The following MICAL2 variants were observed in gnomAD, a reference collection of about 807,000 sequenced individuals.
MICAL2 encodes microtubule associated monooxygenase, calponin and LIM domain containing 2, also known as [F-actin]-monooxygenase MICAL2.
MICAL2 carries 77 observed loss-of-function variants against 127.3 expected under a neutral mutation model. The observed-to-expected ratio is 0.60, with a 90% CI of 0.50 to 0.73. MICAL2 has a LOEUF of 0.73. Among genes scored for constraint, MICAL2 ranks in the 30% least tolerant of loss-of-function variants. The pLI is 0.00. For missense variants in MICAL2, 1,351 were observed against 1,434.4 expected (o/e 0.94, Z 0.94); for synonymous variants, 570 against 551.1 (o/e 1.03, Z -0.48).
chr11:12,262,116 C>T, intron 26 of MICAL2: 1 of 1,141,942 alleles, frequency 8.8e-7, no homozygotes. Context: ...AGATGTTGAA[C>T]CTTTCTGGTG....
rs569371786 is a variant in MICAL2 at position 12,325,399 on chromosome 11, C to T, written c.5421+1329C>T. Among the ~76,000 whole-genome samples the T allele has an allele frequency of 3.9e-5, 6 of 152,294 alleles. No individual in the cohort carries two copies. In the South Asian group the frequency reaches 1.2e-3, roughly 32 times the overall value. ...TGCTGAGATTACTGGTGTGAGCCAC[C>T]GTGCCCAGCCTCATCCTTAGTGTCT... is the stretch of plus-strand genomic sequence containing the variant. On this transcript the variant is annotated intron_variant, in intron 31 of 34. Transcript: ENST00000646065.
intron 29 of MICAL2, among the ~76,000 whole-genome samples, chr11:12,310,769 T>C (rs1051659863): frequency 6.6e-6 from 1 of 152,182 alleles, no homozygotes. Flanking sequence ...TTGGGTAGTA[T>C]AGACATTTTA....
chr11:12,292,406 G>C (rs891570580), downstream of MICAL2: 1 of 1,233,172 alleles, frequency 8.1e-7, no homozygotes, highest in African/African-American at 1.5e-5. Flanking sequence ...GTCAACCTAA[G>C]TGCAAAGCCA....
Position 12,242,452 on chromosome 11 carries a change from CCCGTCTCTGT to C in MICAL2, c.2556+25_2556+34del. On this transcript the variant is annotated intron_variant, in intron 19 of 27. Transcript: ENST00000683283. Reference sequence around the variant, plus strand: ...CTCCAGGTGAGAGACTCACTTTTTGCCCGTCTCTGTCCGTGTCTGGGTGACTTCCTTTCTT... The same window carrying C: ...CTCCAGGTGAGAGACTCACTTTTTGCCCGTGTCTGGGTGACTTCCTTTCTT... 6.3e-7 allele frequency: 1 copy of C among 1,585,140 alleles called. No homozygotes were observed. The highest frequency in any genetic ancestry group is 8.6e-7 in the Non-Finnish European group (1 of 1,163,452).
intron 29 of MICAL2, among the ~76,000 whole-genome samples, chr11:12,304,226 A>G (rs1482023234): frequency 6.6e-6 from 1 of 152,122 alleles, no homozygotes; most frequent in Non-Finnish European, 1.5e-5. Context: ...TTCCTTTCAC[A>G]GTCATATCTA....
chr11:12,341,358 G>A (rs1183382325), intron 32 of MICAL2, among the ~76,000 whole-genome samples: 5 of 151,900 alleles, frequency 3.3e-5, no homozygotes, highest in African/African-American at 1.2e-4. Flanking sequence ...GAGATAGATA[G>A]TTATGAACCA....
At chr11:12,211,414 AGGTT>A (rs992737724) in intron 6 of MICAL2, among the ~76,000 whole-genome samples, 3 of 152,196 alleles carry the variant, frequency 2.0e-5, no homozygotes, top group Non-Finnish European at 4.4e-5. Flanking sequence ...AAAAACCCCA[AGGTT>A]GTCACTAAAA....
chr11:12,111,282 GTGGTCCGAGGGGCCGCGGCAC>G (rs991698225), intron 1 of MICAL2, among the ~76,000 whole-genome samples: 1 of 152,230 alleles, frequency 6.6e-6, no homozygotes, highest in Non-Finnish European at 1.5e-5. Context: ...GGTCGTGGCA[GTGGTCCGAGGGGCCGCGGCAC>G]TGTCCGCTCT....
At chr11:12,306,272 T>C (rs1161778393) in intron 29 of MICAL2, among the ~76,000 whole-genome samples, 1 of 141,338 alleles carries the variant, frequency 7.1e-6, no homozygotes, top group Non-Finnish European at 1.5e-5. Flanking sequence ...AAATGTAACC[T>C]TTTCTTTCAA....
chr11:12,342,817 G>A (rs1356122665), intron 32 of MICAL2, among the ~76,000 whole-genome samples: 11 of 152,214 alleles, frequency 7.2e-5, no homozygotes, highest in East Asian at 3.9e-4. Flanking sequence ...GCAGAGCAAG[G>A]TCTGATTGAC....
chr11:12,260,721 A>G, intron 26 of MICAL2: 1 of 985,530 alleles, frequency 1.0e-6, no homozygotes, highest in Non-Finnish European at 1.2e-6. Context: ...AGAAGGGCAG[A>G]ATAGAATTCA....
In MICAL2 at chr11:12,244,599, T is replaced by G. The variant is rs561709472; in HGVS notation, c.2784+487T>G. Among the ~76,000 whole-genome samples, 393 of 152,206 alleles carry G rather than the reference T, an allele frequency of 2.6e-3. 1 individual carries two copies. Among genetic ancestry groups the G allele is most frequent in the African/African-American group, 9.3e-3 (384 of 41,512 alleles). On this transcript the variant is annotated intron_variant, in intron 21 of 27. Coordinates refer to ENST00000683283, the MANE Select transcript of MICAL2 (RefSeq NM_001282663.2). ...ATAAGAGGTTTAAAGGGCAAGATTG[T>G]AGGAATGGAGAGGGGAGAAGATGGG...
intron 1 of MICAL2, chr11:12,276,438 T>G: frequency 7.3e-6 from 2 of 273,288 alleles, no homozygotes; most frequent in East Asian, 6.3e-5. Context: ...AGAAAGGGCC[T>G]GGCCCCATGC....
chr11:12,330,090 TAA>T (rs1184754764), intron 32 of MICAL2, among the ~76,000 whole-genome samples: 3 of 152,164 alleles, frequency 2.0e-5, no homozygotes, highest in Non-Finnish European at 4.4e-5. Flanking sequence ...GGCTGGAGAC[TAA>T]AAGAGTCAAG....
At position 12,190,512 on chromosome 11, in the gene MICAL2, C is replaced by A. The variant is rs78815694; in HGVS notation, c.265-13738C>A. ...ATTGGTAAAGGTAGTAAAACTCCCA[C>A]CTATTTTCAGCTTTGATTCCTTTTC... On this transcript the variant is annotated intron_variant, in intron 3 of 27. Transcript: ENST00000683283. 2.8e-3 allele frequency among the ~76,000 whole-genome samples: 433 copies of A among 152,324 alleles called. 4 individuals carry two copies. The highest frequency in any genetic ancestry group is 9.7e-3 in the African/African-American group (403 of 41,582).
intron 3 of MICAL2, among the ~76,000 whole-genome samples, chr11:12,182,193 T>C (rs1857559697): frequency 6.6e-6 from 1 of 152,244 alleles, no homozygotes; most frequent in Admixed American, 6.5e-5. Context: ...GAAAATATTC[T>C]GAGAAGGTGT....
downstream of MICAL2, chr11:12,293,453 G>A: frequency 1.5e-6 from 2 of 1,362,208 alleles, no homozygotes; most frequent in Non-Finnish European, 2.0e-6. Flanking sequence ...GGGCATCTGA[G>A]ATGGGAAGAA....
At chr11:12,167,475 G>T (rs1442148869) in intron 3 of MICAL2, among the ~76,000 whole-genome samples, 1 of 152,114 alleles carries the variant, frequency 6.6e-6, no homozygotes, top group Admixed American at 6.5e-5. Flanking sequence ...GATGTTAGGG[G>T]TGGAAGGGGT....
chr11:12,125,371 G>A (rs1031524941), intron 1 of MICAL2, among the ~76,000 whole-genome samples: 5 of 152,138 alleles, frequency 3.3e-5, no homozygotes, highest in Middle Eastern at 3.4e-3. Flanking sequence ...CTCCTGCCTC[G>A]ACCTCCCGAG....
Sources: gnomAD v4.1 joint callset for allele counts (sites outside exome capture counted in the v4.1 genomes callset) on GRCh38, gnomAD v4.1.1 for gene constraint, MANE v1.5 for transcripts, NCBI Gene and HGNC (gene_info 2026-07-23, HGNC 2026-07-21) for gene names.